GARIN5A: variants seen among roughly 807,000 people sequenced by gnomAD.
The protein encoded by GARIN5A is Golgi-associated RAB2 interactor protein 5A.
chr19:50,474,536 G>A, the GARIN5A span, among the ~76,000 whole-genome samples: 52 of 152,134 alleles, frequency 3.4e-4, no homozygotes, highest in Non-Finnish European at 6.2e-4. Flanking sequence ...TAGTAGAGAC[G>A]GGGTTTCACT....
the GARIN5A span, chr19:50,476,614 C>G: frequency 1.9e-6 from 3 of 1,560,824 alleles, no homozygotes; most frequent in African/African-American, 2.7e-5. Context: ...AGCGCCCAGT[C>G]GAGCCCGGGG....
chr19:50,469,152 G>A, the GARIN5A span, among the ~76,000 whole-genome samples: 1 of 152,052 alleles, frequency 6.6e-6, no homozygotes, highest in Non-Finnish European at 1.5e-5. Flanking sequence ...CTCCCTCTCT[G>A]CCCTCACCTC....
the GARIN5A span, chr19:50,476,628 C>A: frequency 6.5e-7 from 1 of 1,550,354 alleles, no homozygotes; most frequent in South Asian, 1.2e-5. Context: ...CCCGGGGCAG[C>A]GGCTGCCGGG....
chr19:50,476,218 C>CGGGAGCGGACGG, the GARIN5A span: 1 of 1,613,626 alleles, frequency 6.2e-7, no homozygotes. Context: ...CCCCGTCCGA[C>CGGGAGCGGACGG]GGGAGCGGAC....
the GARIN5A span, chr19:50,476,597 C>T: frequency 5.1e-6 from 8 of 1,569,904 alleles, no homozygotes; most frequent in Non-Finnish European, 6.9e-6. Context: ...TTGCTGATGG[C>T]GGTAGCAGCG....
the GARIN5A span, chr19:50,476,151 C>G: frequency 6.2e-7 from 1 of 1,613,512 alleles, no homozygotes; most frequent in African/African-American, 1.3e-5. Context: ...CCTGGTTCCA[C>G]CTCGCCAGCT....
the GARIN5A span, among the ~76,000 whole-genome samples, chr19:50,470,694 T>C: frequency 8.7e-5 from 13 of 148,918 alleles, no homozygotes; most frequent in African/African-American, 3.2e-4. Flanking sequence ...TCGCACTGTT[T>C]CCCGGGCTGG....
chr19:50,467,480 T>C, the GARIN5A span: 1 of 961,226 alleles, frequency 1.0e-6, no homozygotes. Flanking sequence ...AGCTCTCTCC[T>C]CTCTTAGACC....
the GARIN5A span, chr19:50,475,337 A>G: frequency 6.3e-6 from 10 of 1,595,100 alleles, no homozygotes; most frequent in African/African-American, 1.3e-4. Flanking sequence ...GAAGAGTTGC[A>G]GGTGTCCGTT....
chr19:50,471,573 A>T, the GARIN5A span, among the ~76,000 whole-genome samples: 1 of 152,082 alleles, frequency 6.6e-6, no homozygotes, highest in East Asian at 1.9e-4. Flanking sequence ...CCCAGCCTCT[A>T]CTGCTGTTTT....
the GARIN5A span, chr19:50,475,495 G>T: frequency 6.4e-7 from 1 of 1,560,728 alleles, no homozygotes; most frequent in Non-Finnish European, 8.7e-7. Context: ...GATAGATGTC[G>T]GGGCAGAACT....
the GARIN5A span, chr19:50,476,427 T>C: frequency 1.9e-6 from 3 of 1,547,946 alleles, no homozygotes; most frequent in Non-Finnish European, 2.6e-6. Context: ...CGGGTGCCAG[T>C]GCGCAGGTGC....
chr19:50,468,411 A>C, the GARIN5A span, among the ~76,000 whole-genome samples: 1 of 148,282 alleles, frequency 6.7e-6, no homozygotes, highest in South Asian at 2.1e-4. Flanking sequence ...TGTGGGATCT[A>C]CCATCCGACT....
chr19:50,471,730 ACGTG>A, the GARIN5A span, among the ~76,000 whole-genome samples: 109 of 87,896 alleles, frequency 1.2e-3, no homozygotes, highest in African/African-American at 5.8e-3. Context: ...GCATACATGC[ACGTG>A]TGTGTATACG....
At chr19:50,476,562 TG>T in the GARIN5A span, 3 of 1,575,666 alleles carry the variant, frequency 1.9e-6, no homozygotes, top group East Asian at 2.3e-5. Context: ...CAGCCAGCGC[TG>T]GGGCAACCCG....
At chr19:50,467,356 T>C in the GARIN5A span, among the ~76,000 whole-genome samples, 1 of 152,078 alleles carries the variant, frequency 6.6e-6, no homozygotes, top group African/African-American at 2.4e-5. Flanking sequence ...CCCATATCCC[T>C]GGGTCACCTC....
At chr19:50,475,204 G>A in the GARIN5A span, 2 of 1,391,176 alleles carry the variant, frequency 1.4e-6, no homozygotes, top group Admixed American at 2.7e-5. Context: ...GCTCAGGGAG[G>A]GCCGGTAGCA....
the GARIN5A span, chr19:50,476,211 C>G: frequency 1.1e-5 from 18 of 1,613,604 alleles, no homozygotes; most frequent in East Asian, 3.1e-4. Context: ...GCAATGTCCC[C>G]GTCCGACGGG....
the GARIN5A span, chr19:50,476,283 G>A: frequency 6.2e-7 from 1 of 1,605,820 alleles, no homozygotes. Flanking sequence ...GTGACGTCAT[G>A]ATGCGGAGCG....
Sources: gnomAD v4.1 joint callset for allele counts (sites outside exome capture counted in the v4.1 genomes callset) on GRCh38, gnomAD v4.1.1 for gene constraint, MANE v1.5 for transcripts, NCBI Gene and HGNC (gene_info 2026-07-23, HGNC 2026-07-21) for gene names.